Variants in UGT1A8 observed in about 807,000 individuals in gnomAD.
UGT1A8 encodes UDP-glucuronosyltransferase 1A8.
In UGT1A8, 39 loss-of-function variants were observed where a neutral mutation model predicts 45.3. The ratio of observed to expected loss-of-function variants is 0.86; its 90% CI spans 0.67 to 1.12. The LOEUF is 1.12. Among genes scored for constraint, UGT1A8 ranks in the 50% most tolerant of loss-of-function variants. The probability of loss-of-function intolerance (pLI) is 0.00; values close to 1 mark genes in which losing one functional copy is unlikely to be tolerated. For synonymous variants in UGT1A8, 275 were observed against 249.2 expected, an observed-to-expected ratio of 1.10 and a Z score of -0.97; for missense variants, 719 against 664.9, an observed-to-expected ratio of 1.08 and a Z score of -0.90.
At chr2:233,738,664 G>A (rs974057109) in intron 1 of UGT1A8, among the ~76,000 whole-genome samples, 1 of 152,140 alleles carries the variant, frequency 6.6e-6, no homozygotes, top group Non-Finnish European at 1.5e-5. Flanking sequence ...ACGAACTTGA[G>A]AGAGATGATC....
chr2:233,744,892 C>T (rs28900378), intron 1 of UGT1A8, among the ~76,000 whole-genome samples: 4,281 of 151,940 alleles, frequency 0.028, 301 homozygotes, highest in African/African-American at 0.097. Context: ...ACCCTCCTCT[C>T]CATACCAAAA....
In UGT1A8 at chr2:233,769,761, G is replaced by C; in HGVS notation, c.1295+1322G>C. 7.1e-6 allele frequency: 10 copies of C among 1,414,228 alleles called. No homozygotes were observed. The highest frequency in any genetic ancestry group is 9.3e-6 in the Non-Finnish European group (10 of 1,080,644). 87.6% of individuals were successfully genotyped at this position (1,414,228 alleles called of 1,614,324 possible). A position where few individuals can be genotyped will look rare whatever the true frequency, so the allele number is the denominator to read the frequency against. On this transcript the variant is annotated intron_variant, in intron 4 of 4. Transcript: ENST00000373450. The surrounding 1 kb of genome is among the most constrained non-coding windows in gnomAD (Gnocchi z 4.4). ...TCCCAGCCACTCTGGAGGCTAAGGC[G>C]GGAGGATTGCTTGAGCCCAGAAGTT...
intron 1 of UGT1A8, among the ~76,000 whole-genome samples, chr2:233,619,893 G>T (rs977504240): frequency 2.0e-5 from 3 of 152,126 alleles, no homozygotes; most frequent in Non-Finnish European, 2.9e-5. Context: ...ACATTATTGA[G>T]TAATATTGTT....
intron 1 of UGT1A8, among the ~76,000 whole-genome samples, chr2:233,681,221 G>A (rs1366226638): frequency 6.6e-6 from 1 of 151,946 alleles, no homozygotes; most frequent in Admixed American, 6.6e-5. Context: ...TTTCTGGGCA[G>A]AGGACAAAAT....
intron 1 of UGT1A8, chr2:233,682,682 T>A: frequency 6.2e-7 from 1 of 1,613,870 alleles, no homozygotes; most frequent in Non-Finnish European, 8.5e-7. Flanking sequence ...CAGCCACACA[T>A]CAATTTGGTT....
chr2:233,682,342 A>T lies in UGT1A8; in HGVS notation c.855+63780A>T, dbSNP rs1368393471. The T allele has an allele frequency of 2.5e-6, 4 of 1,613,994 alleles. No homozygotes were observed. In the Admixed American group the frequency reaches 6.7e-5, roughly 27 times the overall value. On this transcript the variant is annotated intron_variant, in intron 1 of 4. Transcript: ENST00000373450. Reference sequence around the variant, plus strand: ...TGTTTAATGACCGAAAATTAGTAGAATACTTAAAGGAGAGTTGTTTTGATG... The same window carrying T: ...TGTTTAATGACCGAAAATTAGTAGATTACTTAAAGGAGAGTTGTTTTGATG...
Position 233,767,165 on chromosome 2 carries a change from A to G in UGT1A8, c.987A>G (p.Thr329=). 2.5e-6 allele frequency: 4 copies of G among 1,614,130 alleles called. No individual in the cohort carries two copies. Among genetic ancestry groups the G allele is most frequent in the Non-Finnish European group, 3.4e-6 (4 of 1,180,004 alleles). ...IADALGKIPQ[T]VLWRYTGTRP... is the part of the protein sequence containing the mutation. ...ATGCTTTGGGCAAAATCCCTCAGAC[A>G]GTAAGAAGATTCTATACCATGGCCT... The change falls in exon 2 of 5, where the codon ACA becomes ACG. Residue 329 remains threonine (T), a splice_region_variant and synonymous_variant. Transcript: ENST00000373450.
intron 1 of UGT1A8, among the ~76,000 whole-genome samples, chr2:233,710,181 C>T (rs1477662266): frequency 6.6e-6 from 1 of 152,106 alleles, no homozygotes; most frequent in Admixed American, 6.5e-5. Context: ...TATTGATGGA[C>T]ATGTGGATAG....
intron 2 of UGT1A8, 81 bp from the exon 3 acceptor site, chr2:233,767,768 G>A (rs1166342197): frequency 1.9e-5 from 30 of 1,610,020 alleles, no homozygotes; most frequent in Non-Finnish European, 2.5e-5. Flanking sequence ...GAGGACCCCT[G>A]TTTTCTAGTT....
At chr2:233,637,011 C>T (rs932855712) in intron 1 of UGT1A8, 2 of 1,614,094 alleles carry the variant, frequency 1.2e-6, no homozygotes, top group Non-Finnish European at 1.7e-6. Flanking sequence ...ATTTCTCCCT[C>T]CCCTCTGTGG....
intron 1 of UGT1A8, among the ~76,000 whole-genome samples, chr2:233,641,829 C>T (rs529532046): frequency 6.6e-6 from 1 of 151,322 alleles, no homozygotes; most frequent in South Asian, 2.1e-4. Context: ...TATGTCATGC[C>T]ACTCTCTCCT....
chr2:233,695,584 C>A (rs28899170), intron 1 of UGT1A8, among the ~76,000 whole-genome samples: 43,733 of 151,366 alleles, frequency 0.29, 6,589 homozygotes, highest in South Asian at 0.36. Context: ...CCCTACTTAC[C>A]CTTTCCACCT....
intron 1 of UGT1A8, among the ~76,000 whole-genome samples, chr2:233,658,774 G>A (rs980417656): frequency 1.3e-5 from 2 of 152,112 alleles, no homozygotes; most frequent in East Asian, 3.9e-4. Flanking sequence ...GTAAAAACTT[G>A]GTTGTTCATA....
At chr2:233,725,024 G>C (rs1241696904) in intron 1 of UGT1A8, among the ~76,000 whole-genome samples, 1 of 148,280 alleles carries the variant, frequency 6.7e-6, no homozygotes, top group Non-Finnish European at 1.5e-5. Flanking sequence ...AGCAAAACCC[G>C]GTCTCCACCA....
intron 1 of UGT1A8, among the ~76,000 whole-genome samples, chr2:233,714,483 T>C (rs2076389981): frequency 6.6e-6 from 1 of 152,204 alleles, no homozygotes; most frequent in Admixed American, 6.5e-5. Context: ...GAATGTTTCT[T>C]GTGAAGACAC....
intron 1 of UGT1A8, chr2:233,756,054 A>G (rs530980162): frequency 6.6e-6 from 1 of 152,352 alleles, no homozygotes; most frequent in East Asian, 1.9e-4. Flanking sequence ...ACTCCACTGT[A>G]CACTTGTGGG....
intron 3 of UGT1A8, 48 bp from the exon 4 acceptor site, chr2:233,768,172 G>C: frequency 6.2e-6 from 10 of 1,613,786 alleles, no homozygotes; most frequent in South Asian, 1.1e-5. Context: ...GTCCAGCTGT[G>C]AAACTCAGAG....
At chr2:233,752,001 G>A (rs960464465) in intron 1 of UGT1A8, among the ~76,000 whole-genome samples, 26 of 152,178 alleles carry the variant, frequency 1.7e-4, no homozygotes, top group Admixed American at 1.3e-3. Flanking sequence ...TGAGAAAGTT[G>A]ATGAGAAAGT....
chr2:233,718,911 G>C, intron 1 of UGT1A8: 2 of 1,614,072 alleles, frequency 1.2e-6, no homozygotes, highest in Non-Finnish European at 1.7e-6. Flanking sequence ...GAGTGGAAAG[G>C]TGTTGGTGGT....
Sources: allele counts gnomAD v4.1 joint callset (sites outside exome capture counted in the v4.1 genomes callset), GRCh38; gene constraint gnomAD v4.1.1; non-coding constraint Gnocchi (gnomAD v3.1); transcripts MANE v1.5; gene names NCBI Gene and HGNC (gene_info 2026-07-23, HGNC 2026-07-21).